The following SLC38A9 variants were observed in gnomAD, a reference collection of about 807,000 sequenced individuals.
The protein encoded by SLC38A9 is neutral amino acid transporter 9.
In SLC38A9, 48 loss-of-function variants were observed where a neutral mutation model predicts 62.3. The observed-to-expected ratio is 0.77, with a 90% confidence interval of 0.61 to 0.98. The LOEUF (loss-of-function observed/expected upper bound fraction) is 0.98. Among genes scored for constraint, SLC38A9 ranks in the 50% least tolerant of loss-of-function variants. The pLI is 0.00. For missense variants in SLC38A9, 541 were observed against 679.8 expected (o/e 0.80, Z 2.27); for synonymous variants, 204 against 227.7 (o/e 0.90, Z 0.94).
At chr5:55,691,260 T>C (rs1238781194) in intron 3 of SLC38A9, 1 of 1,328,952 alleles carries the variant, frequency 7.5e-7, no homozygotes, top group Non-Finnish European at 1.0e-6. Flanking sequence ...ATCCAATTGT[T>C]TTCCATTATA....
chr5:55,630,898 G>A (rs1434307822), intron 14 of SLC38A9, among the ~76,000 whole-genome samples: 1 of 152,140 alleles, frequency 6.6e-6, no homozygotes, highest in East Asian at 1.9e-4. Flanking sequence ...TTGGGAGGCT[G>A]AGGCAGGCAG....
intron 9 of SLC38A9, 125 bp from the exon 10 acceptor site, chr5:55,652,848 CCTAAATTTCT>C: frequency 1.5e-6 from 1 of 648,530 alleles, no homozygotes; most frequent in South Asian, 4.4e-5. Context: ...TTCCTAGGAG[CCTAAATTTCT>C]CTTTTCTGGA....
rs145470405 is a variant in SLC38A9 at position 55,671,502 on chromosome 5, C to CTTTTTTTT, written c.246+1060_246+1061insAAAAAAAA. 2.1e-5 allele frequency among the ~76,000 whole-genome samples: 3 copies of CTTTTTTTT among 144,352 alleles called. 1 individual carries two copies. 94.7% of individuals were successfully genotyped at this position (144,352 alleles called of 152,430 possible). On this transcript the variant is annotated intron_variant, in intron 4 of 15. Coordinates refer to ENST00000396865, the MANE Select transcript of SLC38A9 (RefSeq NM_173514.4). ...TGTGTACATATTTCAGTTTCCCATT[C>CTTTTTTTT]TTCTTTTTTTTTTTTTTTAAGAGAT...
chr5:55,683,943 T>A (rs1333085260), intron 3 of SLC38A9, among the ~76,000 whole-genome samples: 1 of 152,216 alleles, frequency 6.6e-6, no homozygotes, highest in Non-Finnish European at 1.5e-5. Context: ...ACAAACTCAT[T>A]TCCAAAATGA....
At chr5:55,649,818 T>A (rs547883019) in intron 10 of SLC38A9, among the ~76,000 whole-genome samples, 18 of 150,980 alleles carry the variant, frequency 1.2e-4, no homozygotes, top group African/African-American at 4.2e-4. Flanking sequence ...CGAGACTCCA[T>A]CTCAAAGGAA....
At chr5:55,652,161 C>T (rs1190295112) in intron 10 of SLC38A9, among the ~76,000 whole-genome samples, 1 of 151,328 alleles carries the variant, frequency 6.6e-6, no homozygotes, top group East Asian at 1.9e-4. Context: ...GGGTTTGAGA[C>T]CAGCCTGGAC....
intron 2 of SLC38A9, among the ~76,000 whole-genome samples, chr5:55,705,451 AG>A (rs1268497202): frequency 4.4e-4 from 65 of 147,922 alleles, no homozygotes; most frequent in Non-Finnish European, 2.4e-4. Flanking sequence ...AAAAAAAAAA[AG>A]AAAGAAAGAA....
intron 2 of SLC38A9, among the ~76,000 whole-genome samples, chr5:55,699,902 G>C (rs1258149983): frequency 1.3e-5 from 2 of 152,082 alleles, no homozygotes; most frequent in Non-Finnish European, 2.9e-5. Context: ...GAATGAGATG[G>C]TCTGAAAAGC....
At chr5:55,688,167 TAC>T (rs1754205894) in intron 3 of SLC38A9, among the ~76,000 whole-genome samples, 1 of 152,252 alleles carries the variant, frequency 6.6e-6, no homozygotes, top group Admixed American at 6.5e-5. Flanking sequence ...ACTGAGACGA[TAC>T]AGTTTTTTAG....
chr5:55,661,003 AACT>A (rs34994646), intron 8 of SLC38A9, among the ~76,000 whole-genome samples: 28,450 of 151,530 alleles, frequency 0.19, 2,872 homozygotes, highest in Middle Eastern at 0.22. Context: ...TGTATATTAG[AACT>A]ACTGTTACAG....
chr5:55,628,268 G>T (rs1742817475), intron 14 of SLC38A9, among the ~76,000 whole-genome samples: 1 of 152,106 alleles, frequency 6.6e-6, no homozygotes, highest in Non-Finnish European at 1.5e-5. Context: ...GGAATATCTT[G>T]AGAAAATAAT....
intron 9 of SLC38A9, among the ~76,000 whole-genome samples, chr5:55,655,500 GATA>G (rs1426852469): frequency 6.6e-6 from 1 of 152,052 alleles, no homozygotes; most frequent in Non-Finnish European, 1.5e-5. Context: ...GAGATTTTAG[GATA>G]ATAATTCAAA....
chr5:55,693,851 T>C (rs7713952), intron 3 of SLC38A9, among the ~76,000 whole-genome samples: 91,049 of 151,778 alleles, frequency 0.6, 27,882 homozygotes, highest in South Asian at 0.7. Flanking sequence ...GCTTGAGCCC[T>C]GGAGTTCAAG....
chr5:55,674,089 C>A (rs1439284887), intron 3 of SLC38A9, among the ~76,000 whole-genome samples: 1 of 152,138 alleles, frequency 6.6e-6, no homozygotes, highest in Non-Finnish European at 1.5e-5. Context: ...CTTATTAATT[C>A]TGTGATATTT....
At chr5:55,635,899 GTTGGCAGACTTA>G (rs558538683) in intron 12 of SLC38A9, among the ~76,000 whole-genome samples, 236 of 152,294 alleles carry the variant, frequency 1.5e-3, no homozygotes, top group African/African-American at 5.1e-3. Context: ...TAAGCTACCT[GTTGGCAGACTTA>G]GAAGTTAACA....
At chr5:55,662,085 A>G (rs889073213) in intron 8 of SLC38A9, among the ~76,000 whole-genome samples, 2 of 152,210 alleles carry the variant, frequency 1.3e-5, no homozygotes, top group Non-Finnish European at 2.9e-5. Context: ...CAATTCTGCA[A>G]TTTCAAGTAA....
chr5:55,698,958 C>CA (rs1331557067), intron 2 of SLC38A9, among the ~76,000 whole-genome samples: 1 of 147,600 alleles, frequency 6.8e-6, no homozygotes, highest in Non-Finnish European at 1.5e-5. Flanking sequence ...CAAAAAACAA[C>CA]AAAAAAACAA....
chr5:55,664,727 T>C lies in SLC38A9; in HGVS notation c.663A>G (p.Ser221=). 1 of 1,560,866 alleles carries C rather than the reference T, an allele frequency of 6.4e-7. No homozygotes were observed. Among genetic ancestry groups the C allele is most frequent in the Admixed American group, 2.2e-5 (1 of 46,100 alleles). ...GAMIVYWVLM[S]NFLFNTGKFI... is the part of the protein sequence containing the mutation. ...ACTTTCCAGTATTAAAAAGAAAATT[T>C]GACATAAGCACCCAATAAACTATCA... Residue 221 remains serine, a synonymous_variant, in exon 8 of 16, where the codon TCA becomes TCG. Transcript: ENST00000396865.
chr5:55,677,592 C>T (rs1306380614), intron 3 of SLC38A9, among the ~76,000 whole-genome samples: 4 of 152,096 alleles, frequency 2.6e-5, no homozygotes, highest in Non-Finnish European at 5.9e-5. Flanking sequence ...GCTAGAGTAC[C>T]GTGGTGCGCT....
Sources: gnomAD v4.1 joint callset for allele counts (sites outside exome capture counted in the v4.1 genomes callset) on GRCh38, gnomAD v4.1.1 for gene constraint, MANE v1.5 for transcripts, NCBI Gene and HGNC (gene_info 2026-07-23, HGNC 2026-07-21) for gene names.